Variants in ANKRD33B observed in about 807,000 individuals in gnomAD.
ANKRD33B encodes ankyrin repeat domain 33B, also known as ankyrin repeat domain-containing protein 33B.
In ANKRD33B, 6 loss-of-function variants were observed where a neutral mutation model predicts 21.5. The ratio of observed to expected loss-of-function variants is 0.28; its 90% CI spans 0.15 to 0.55. The LOEUF (loss-of-function observed/expected upper bound fraction) is 0.55, where lower values mean the gene tolerates loss of function less well. Among genes scored for constraint, ANKRD33B ranks in the 20% least tolerant of loss-of-function variants. The pLI is 0.94. For missense variants in ANKRD33B, 698 were observed against 747.2 expected (o/e 0.93, Z 0.77); for synonymous variants, 347 against 342.4 (o/e 1.01, Z -0.15).
At chr5:10,646,990 A>C (rs1157300459) in intron 3 of ANKRD33B, among the ~76,000 whole-genome samples, 2 of 152,178 alleles carry the variant, frequency 1.3e-5, no homozygotes, top group Non-Finnish European at 2.9e-5. Context: ...ATGGGATATA[A>C]ATGAAGAAGC....
At chr5:10,629,297 T>G (rs1316142239) in intron 2 of ANKRD33B, among the ~76,000 whole-genome samples, 1 of 152,050 alleles carries the variant, frequency 6.6e-6, no homozygotes, top group African/African-American at 2.4e-5. Context: ...AAATTTAAAC[T>G]TTTTTTTGTA....
intron 3 of ANKRD33B, among the ~76,000 whole-genome samples, chr5:10,647,229 T>G (rs1454077260): frequency 6.6e-6 from 1 of 152,012 alleles, no homozygotes; most frequent in Non-Finnish European, 1.5e-5. Flanking sequence ...CTCAGCCTCC[T>G]GAGTAGTTGG....
intron 3 of ANKRD33B, among the ~76,000 whole-genome samples, chr5:10,648,953 A>G (rs887689241): frequency 6.6e-6 from 1 of 152,148 alleles, no homozygotes; most frequent in Non-Finnish European, 1.5e-5. Flanking sequence ...CCACATAGCC[A>G]GGCCCCATCT....
Position 10,564,711 on chromosome 5 carries a change from A to G in ANKRD33B, c.244A>G (p.Ser82Gly). 1 of 1,533,516 alleles carries G rather than the reference A, an allele frequency of 6.5e-7. No individual in the cohort carries two copies. Among genetic ancestry groups the G allele is most frequent in the Non-Finnish European group, 8.7e-7 (1 of 1,145,736 alleles). 95.0% of individuals were successfully genotyped at this position (1,533,516 alleles called of 1,614,324 possible). The change falls in exon 1 of 4, where the codon AGC becomes GGC. Residue 82 changes from serine (S) to glycine (G), a missense_variant. Around this residue, in one of 3 missense-constraint regions of ANKRD33B, gnomAD observed 148 missense variants for 154.9 expected, o/e 0.96. Coordinates refer to ENST00000296657, the MANE Select transcript of ANKRD33B (RefSeq NM_001164440.2). ...AESVPEGVPE[S>G]VPETATLLRA... ...GAGCGTCCCGGAGGGCGTCCCGGAAAGCGTCCCGGAGACGGCGACCCTCCT... is the reference window on the plus strand; with the variant it reads ...GAGCGTCCCGGAGGGCGTCCCGGAAGGCGTCCCGGAGACGGCGACCCTCCT...
intron 1 of ANKRD33B, among the ~76,000 whole-genome samples, chr5:10,579,354 T>G (rs1196783330): frequency 1.6e-5 from 1 of 63,084 alleles, no homozygotes; most frequent in Non-Finnish European, 3.9e-5. Context: ...TAAGTAATGG[T>G]TTTTTTTTTT....
rs1435699757 is a variant in ANKRD33B, at chr5:10,618,387, G to A, written c.421G>A (p.Ala141Thr). 1 of 1,537,644 alleles carries A rather than the reference G, an allele frequency of 6.5e-7. No homozygotes were observed. Among genetic ancestry groups the A allele is most frequent in the Non-Finnish European group, 8.7e-7 (1 of 1,147,018 alleles). ...HGFVDTVVAL[A>T]ECPHVDVNWQ... is the part of the protein sequence containing the mutation. ...CTTTGTGGATACCGTGGTGGCCTTA[G>A]CAGAGTGCCCCCACGTTGACGTCAA... Residue 141 changes from alanine (A) to threonine (T), a missense_variant, in exon 2 of 4, where the codon GCA becomes ACA. Coordinates refer to ENST00000296657, the MANE Select transcript of ANKRD33B (RefSeq NM_001164440.2).
chr5:10,637,421 GTTAGACAC>G (rs1320393799), intron 2 of ANKRD33B, among the ~76,000 whole-genome samples: 1 of 64,634 alleles, frequency 1.5e-5, no homozygotes, highest in Non-Finnish European at 2.9e-5. Context: ...GGCGTAGGTA[GTTAGACAC>G]ACACACACAC....
intron 2 of ANKRD33B, 106 bp from the exon 3 acceptor site, chr5:10,637,922 G>T: frequency 7.6e-7 from 1 of 1,308,356 alleles, no homozygotes; most frequent in South Asian, 1.4e-5. Flanking sequence ...AGACCGGCTG[G>T]CCCAGGGCTG....
rs949137009 is a variant in ANKRD33B at position 10,657,738 on chromosome 5, A to C, written c.*7625A>C. 1 of 152,356 alleles carries C rather than the reference A, an allele frequency of 6.6e-6. No homozygotes were observed. Among genetic ancestry groups the C allele is most frequent in the African/African-American group, 2.4e-5 (1 of 41,458 alleles). 9.4% of individuals were successfully genotyped at this position (152,356 alleles called of 1,614,324 possible). On this transcript the variant is annotated 3_prime_UTR_variant, in exon 4 of 4. Transcript: ENST00000296657. The stretch of plus-strand genomic sequence containing the variant: ...TAACAAATTATGTATCTAATGTTTA[A>C]AAAATATGGAAAAAAGGGATAATGT...
At position 10,650,158 on chromosome 5, in the gene ANKRD33B, G is replaced by A. The variant is rs2126612258; in HGVS notation, c.*45G>A. ...TGGGGCCGGGGCTGGGGCCGGGGCGGGGCCGCAGGGCTGGGCGCGGAGAAG... is the reference window on the plus strand; with the variant it reads ...TGGGGCCGGGGCTGGGGCCGGGGCGAGGCCGCAGGGCTGGGCGCGGAGAAG... On this transcript the variant is annotated 3_prime_UTR_variant, in exon 4 of 4. Coordinates refer to ENST00000296657, the MANE Select transcript of ANKRD33B (RefSeq NM_001164440.2). The A allele has an allele frequency of 1.4e-6, 2 of 1,420,874 alleles. No individual in the cohort carries two copies. Among genetic ancestry groups the A allele is most frequent in the Non-Finnish European group, 1.8e-6 (2 of 1,093,934 alleles). 88.0% of individuals were successfully genotyped at this position (1,420,874 alleles called of 1,614,324 possible).
In ANKRD33B at chr5:10,649,775, C is replaced by A. The variant is rs1453745085; in HGVS notation, c.1147C>A (p.Pro383Thr). 1.2e-5 allele frequency: 17 copies of A among 1,401,658 alleles called. No individual in the cohort carries two copies. Among genetic ancestry groups the A allele is most frequent in the Non-Finnish European group, 1.6e-5 (17 of 1,084,516 alleles). The allele number at this position is 1,401,658 out of a possible 1,614,324, so 86.8% of individuals were successfully genotyped here. A position where few individuals can be genotyped will look rare whatever the true frequency, so the allele number is the denominator to read the frequency against. The change falls in exon 4 of 4, where the codon CCG (proline) becomes ACG (threonine). Residue 383 changes from proline to threonine, a missense_variant. Physicochemically the swap from Pro to Thr is conservative, Grantham distance 38. This residue lies in a region of ANKRD33B where 543 missense variants were observed against 566.5 expected (regional missense o/e 0.96). Transcript: ENST00000296657. ...QEDADSREGS[P>T]RAGLPPALGS... ...GGACGCGGACTCCCGGGAGGGCTCC[C>A]CGAGAGCCGGCCTCCCTCCCGCCCT...
intron 1 of ANKRD33B, among the ~76,000 whole-genome samples, chr5:10,616,564 C>CAAA (rs56895208): frequency 0.012 from 1,381 of 117,556 alleles, 49 homozygotes; most frequent in African/African-American, 0.028. Context: ...AACTCTGTCT[C>CAAA]AAAAAAAAAA....
Position 10,616,654 on chromosome 5 carries a change from G to A in ANKRD33B, c.367-1679G>A, listed in dbSNP as rs143833009. ...AACTTTGTGCCTCTCATGCAGTGGT[G>A]GTGTGACTGGCAGTGCCAAGAGTGA... On this transcript the variant is annotated intron_variant, in intron 1 of 3. Coordinates refer to ENST00000296657, the MANE Select transcript of ANKRD33B (RefSeq NM_001164440.2). 5.9e-5 allele frequency among the ~76,000 whole-genome samples: 9 copies of A among 152,128 alleles called. No homozygotes were observed. In the East Asian group the frequency reaches 1.7e-3, roughly 29 times the overall value.
In ANKRD33B at chr5:10,637,244, A is replaced by G. The variant is rs540536727; in HGVS notation, c.497-784A>G. The stretch of plus-strand genomic sequence containing the variant: ...TGCTGTGACATTCTCCTTATTCACC[A>G]TTAACTGAGAGCACCATGGGCGTGC... On this transcript the variant is annotated intron_variant, in intron 2 of 3. Transcript: ENST00000296657. Among the ~76,000 whole-genome samples the G allele has an allele frequency of 3.9e-5, 6 of 152,306 alleles. No homozygotes were observed. In the East Asian group the frequency reaches 1.2e-3, roughly 29 times the overall value.
intron 1 of ANKRD33B, among the ~76,000 whole-genome samples, chr5:10,613,721 A>G (rs1225042748): frequency 6.6e-6 from 1 of 151,914 alleles, no homozygotes; most frequent in Non-Finnish European, 1.5e-5. Flanking sequence ...CAATATGGTG[A>G]AACCTCCATC....
chr5:10,624,508 T>C (rs764647281), intron 2 of ANKRD33B, among the ~76,000 whole-genome samples: 2 of 152,158 alleles, frequency 1.3e-5, no homozygotes, highest in African/African-American at 2.4e-5. Context: ...CGCCACTGTG[T>C]GCACCCACCC....
chr5:10,570,903 CTTT>C (rs11301499), intron 1 of ANKRD33B, among the ~76,000 whole-genome samples: 12 of 126,832 alleles, frequency 9.5e-5, no homozygotes, highest in Middle Eastern at 3.7e-3. Context: ...CTCAAATAAC[CTTT>C]TTTTTTTTTT....
chr5:10,626,733 C>T (rs1451974297), intron 2 of ANKRD33B, among the ~76,000 whole-genome samples: 1 of 152,188 alleles, frequency 6.6e-6, no homozygotes, highest in Non-Finnish European at 1.5e-5. Context: ...GGAAGAGGAG[C>T]AAATCCCTGT....
At chr5:10,578,101 T>G (rs1420149855) in intron 1 of ANKRD33B, among the ~76,000 whole-genome samples, 1 of 152,240 alleles carries the variant, frequency 6.6e-6, no homozygotes, top group African/African-American at 2.4e-5. Context: ...TGAGGCTCTT[T>G]CACACACTGT....
Sources: gnomAD v4.1 joint callset for allele counts (sites outside exome capture counted in the v4.1 genomes callset) on GRCh38, gnomAD v4.1.1 for gene constraint, gnomAD v4.1.1 regional missense constraint, MANE v1.5 for transcripts, NCBI Gene and HGNC (gene_info 2026-07-23, HGNC 2026-07-21) for gene names.